PEPD: variants seen among roughly 807,000 people sequenced by gnomAD.
PEPD encodes xaa-Pro dipeptidase.
A neutral mutation model predicts 60.7 loss-of-function variants in PEPD; 53 were observed. The observed-to-expected ratio is 0.87, with a 90% CI of 0.70 to 1.10. The LOEUF (loss-of-function observed/expected upper bound fraction) is 1.10. Among genes scored for constraint, PEPD ranks in the 50% least tolerant of loss-of-function variants. The pLI is 0.00. For missense variants in PEPD, 711 were observed against 711.9 expected (o/e 1.00, Z 0.01); for synonymous variants, 267 against 284.1 (o/e 0.94, Z 0.60).
intron 4 of PEPD, among the ~76,000 whole-genome samples, chr19:33,494,978 C>CA (rs1394737167): frequency 2.0e-5 from 3 of 151,248 alleles, no homozygotes; most frequent in Non-Finnish European, 3.0e-5. Flanking sequence ...ATTAAAAATA[C>CA]AAAAAAAATT....
At chr19:33,424,071 G>C (rs1302434127) in intron 9 of PEPD, among the ~76,000 whole-genome samples, 1 of 152,224 alleles carries the variant, frequency 6.6e-6, no homozygotes, top group Non-Finnish European at 1.5e-5. Context: ...TACATAATAA[G>C]GGTGGTTGGG....
At chr19:33,446,601 C>A (rs1408995482) in intron 9 of PEPD, among the ~76,000 whole-genome samples, 2 of 152,242 alleles carry the variant, frequency 1.3e-5, no homozygotes, top group African/African-American at 2.4e-5. Flanking sequence ...GCTGGCCTAG[C>A]AGAAGTGAGG....
At chr19:33,492,043 CAAAAAAAAAA>C (rs757173823) in intron 5 of PEPD, among the ~76,000 whole-genome samples, 3 of 81,560 alleles carry the variant, frequency 3.7e-5, no homozygotes, top group African/African-American at 4.3e-5. Flanking sequence ...TATTCCATTT[CAAAAAAAAAA>C]AAAAAAAAAG....
chr19:33,407,193 G>A (rs1033197715), intron 11 of PEPD, among the ~76,000 whole-genome samples: 5 of 152,232 alleles, frequency 3.3e-5, no homozygotes, highest in African/African-American at 1.2e-4. Flanking sequence ...GGCAGGAGGA[G>A]TGTCCCAGCT....
intron 4 of PEPD, among the ~76,000 whole-genome samples, chr19:33,496,988 C>A (rs1037251215): frequency 2.6e-5 from 4 of 152,272 alleles, no homozygotes; most frequent in African/African-American, 9.6e-5. Context: ...GCTGGCTCTG[C>A]CCTGCAATCA....
intron 9 of PEPD, among the ~76,000 whole-genome samples, chr19:33,435,612 C>T (rs950272660): frequency 6.6e-6 from 1 of 152,248 alleles, no homozygotes; most frequent in Non-Finnish European, 1.5e-5. Flanking sequence ...CTGCAGCACG[C>T]CTCTCTGGCC....
intron 11 of PEPD, among the ~76,000 whole-genome samples, chr19:33,404,358 G>A (rs1016812267): frequency 3.3e-5 from 5 of 152,150 alleles, no homozygotes; most frequent in African/African-American, 7.2e-5. Flanking sequence ...CCTAGGAGGC[G>A]CCAAATCAGA....
chr19:33,393,154 C>A (rs113911335), intron 12 of PEPD, among the ~76,000 whole-genome samples: 4 of 150,938 alleles, frequency 2.7e-5, no homozygotes, highest in African/African-American at 9.7e-5. Flanking sequence ...GAGGTGGGGG[C>A]GGCCGTCCCG....
intron 9 of PEPD, among the ~76,000 whole-genome samples, chr19:33,419,665 G>A (rs1968969750): frequency 6.6e-6 from 1 of 152,248 alleles, no homozygotes; most frequent in Non-Finnish European, 1.5e-5. Context: ...GGCTGAAGAA[G>A]ATGCAGGGAA....
chr19:33,472,234 G>A (rs1040132930), intron 7 of PEPD, among the ~76,000 whole-genome samples: 2 of 151,938 alleles, frequency 1.3e-5, no homozygotes, highest in Non-Finnish European at 2.9e-5. Context: ...AGGCTGAGGC[G>A]GGAGGATGAC....
Position 33,420,332 on chromosome 19 carries a change from A to G in PEPD, c.672-6689T>C, listed in dbSNP as rs373155611. 1.5e-3 allele frequency among the ~76,000 whole-genome samples: 223 copies of G among 151,670 alleles called. 6 individuals are homozygous for G. The South Asian group carries it at 0.045, about 31-fold the overall frequency. On this transcript the variant is annotated intron_variant, in intron 9 of 14. Transcript: ENST00000244137. ...AACACCCAGAGGTCTTCTCTATCCA[A>G]TATTTTGTTGAACATTCTTCCAGGC... is the stretch of plus-strand genomic sequence containing the variant.
intron 7 of PEPD, among the ~76,000 whole-genome samples, chr19:33,467,991 G>A (rs1356694732): frequency 2.0e-5 from 3 of 152,142 alleles, no homozygotes; most frequent in Non-Finnish European, 4.4e-5. Context: ...CGGATACAGC[G>A]CGAGTAAACA....
chr19:33,496,082 G>A (rs1970597763), intron 4 of PEPD, among the ~76,000 whole-genome samples: 1 of 152,144 alleles, frequency 6.6e-6, no homozygotes, highest in Non-Finnish European at 1.5e-5. Context: ...AAGGAACAGG[G>A]GTACACATGC....
chr19:33,467,924 G>A (rs948186536), intron 7 of PEPD, among the ~76,000 whole-genome samples: 2 of 152,202 alleles, frequency 1.3e-5, no homozygotes, highest in African/African-American at 4.8e-5. Context: ...CACCGGTGAT[G>A]GAGTGGAGTG....
chr19:33,515,116 C>T (rs185764474), intron 1 of PEPD, among the ~76,000 whole-genome samples: 103 of 152,306 alleles, frequency 6.8e-4, no homozygotes, highest in Middle Eastern at 6.8e-3. Context: ...CGGTCACTGC[C>T]GTGCCCTCGC....
chr19:33,500,595 G>A (rs1458113722), intron 4 of PEPD, among the ~76,000 whole-genome samples: 1 of 152,162 alleles, frequency 6.6e-6, no homozygotes, highest in Non-Finnish European at 1.5e-5. Flanking sequence ...CGAAGACCCC[G>A]GCCCAGCCTT....
At chr19:33,438,681 C>T (rs1969425885) in intron 9 of PEPD, among the ~76,000 whole-genome samples, 1 of 152,238 alleles carries the variant, frequency 6.6e-6, no homozygotes, top group African/African-American at 2.4e-5. Context: ...ACTGTGACAC[C>T]TCAGTACCAA....
intron 9 of PEPD, among the ~76,000 whole-genome samples, chr19:33,414,457 G>A (rs2145368658): frequency 6.6e-6 from 1 of 152,298 alleles, no homozygotes; most frequent in South Asian, 2.1e-4. Context: ...TTCCTCTACT[G>A]AACCCAGCTG....
chr19:33,414,501 C>T (rs1968846144), intron 9 of PEPD, among the ~76,000 whole-genome samples: 1 of 152,182 alleles, frequency 6.6e-6, no homozygotes, highest in Non-Finnish European at 1.5e-5. Context: ...CTGCCCTCAC[C>T]CCCTCCCTGA....
Sources: allele counts gnomAD v4.1 joint callset (sites outside exome capture counted in the v4.1 genomes callset), GRCh38; gene constraint gnomAD v4.1.1; transcripts MANE v1.5; gene names NCBI Gene and HGNC (gene_info 2026-07-23, HGNC 2026-07-21).